POLR3E: variants seen among roughly 807,000 people sequenced by gnomAD.
POLR3E encodes DNA-directed RNA polymerase III subunit RPC5.
POLR3E carries 41 observed loss-of-function variants against 96.6 expected under a neutral mutation model. The ratio of observed to expected loss-of-function variants is 0.42; its 90% CI spans 0.33 to 0.55. POLR3E has a LOEUF of 0.55. Ranked by LOEUF, POLR3E falls within the 20% of genes least tolerant of loss-of-function variation. The pLI, the probability that POLR3E is intolerant of heterozygous loss-of-function variation, is 0.06. For missense variants in POLR3E, 849 were observed against 952.1 expected (o/e 0.89, Z 1.43); for synonymous variants, 396 against 383.6 (o/e 1.03, Z -0.38).
chr16:22,326,031 C>A lies in POLR3E; in HGVS notation c.1619C>A (p.Ala540Glu). ...LANGLPLGRA[A>E]GTDSFNGHPP... ...AACGGGCTGCCTCTCGGGCGGGCTG[C>A]GGGCACAGACAGCTTCAACGGGCAC... The change falls in exon 18 of 21, where the codon GCG (alanine) becomes GAG (glutamate). Residue 540 changes from alanine (A) to glutamate (E), a missense_variant. Ala to Glu is a moderately radical substitution (Grantham distance 107). Coordinates refer to ENST00000299853, the MANE Select transcript of POLR3E (RefSeq NM_018119.4). 6.2e-7 allele frequency: 1 copy of A among 1,601,252 alleles called. No individual in the cohort carries two copies. Among genetic ancestry groups the A allele is most frequent in the Non-Finnish European group, 8.5e-7 (1 of 1,172,506 alleles).
At chr16:22,301,578 T>C (rs571365687) in intron 1 of POLR3E, among the ~76,000 whole-genome samples, 3 of 149,194 alleles carry the variant, frequency 2.0e-5, no homozygotes, top group Non-Finnish European at 4.5e-5. Context: ...AAGACATGTC[T>C]TAAAAATAAA....
intron 1 of POLR3E, chr16:22,299,010 C>T: frequency 2.2e-6 from 1 of 455,988 alleles, no homozygotes; most frequent in Non-Finnish European, 4.4e-6. Context: ...TTGCAGAAGA[C>T]AAACAACACC....
chr16:22,308,836 T>A (rs956572068), intron 4 of POLR3E, 89 bp from the exon 5 acceptor site: 1 of 803,180 alleles, frequency 1.2e-6, no homozygotes, highest in African/African-American at 1.7e-5. Flanking sequence ...GGGTCCTGGT[T>A]AGGAGGTGGC....
At chr16:22,314,490 C>A (rs1166145231) in intron 8 of POLR3E, among the ~76,000 whole-genome samples, 1 of 152,144 alleles carries the variant, frequency 6.6e-6, no homozygotes, top group East Asian at 1.9e-4. Flanking sequence ...GAATAGTTTT[C>A]GTTTTAATAG....
At chr16:22,319,604 T>C (rs1395759140) in intron 13 of POLR3E, among the ~76,000 whole-genome samples, 1 of 152,148 alleles carries the variant, frequency 6.6e-6, no homozygotes, top group Non-Finnish European at 1.5e-5. Context: ...TTTCACTGTG[T>C]TAGCCAAGAT....
At chr16:22,298,446 C>G (rs914091442) in intron 1 of POLR3E, among the ~76,000 whole-genome samples, 1 of 152,162 alleles carries the variant, frequency 6.6e-6, no homozygotes, top group African/African-American at 2.4e-5. Context: ...TTACTCCTTC[C>G]CCGCAGGGGT....
At chr16:22,319,087 G>C (rs532114230) in intron 13 of POLR3E, 141 bp downstream of exon 13, 2 of 535,890 alleles carry the variant, frequency 3.7e-6, no homozygotes, top group African/African-American at 1.9e-5. Flanking sequence ...CAACTCTCCT[G>C]CCTCAGCCTC....
At chr16:22,311,501 G>GT (rs145739648) in intron 6 of POLR3E, among the ~76,000 whole-genome samples, 307 of 144,948 alleles carry the variant, frequency 2.1e-3, no homozygotes, top group Middle Eastern at 6.9e-3. Context: ...TTGTTTTGGG[G>GT]TTTTTTTTTT....
In POLR3E at chr16:22,315,706, C is replaced by CTA. The variant is rs2048340634; in HGVS notation, c.642+499_642+500insAT. ...ATTTATTTATTGAGACAGTCTCATT[C>CTA]TGTCACCCAGGCTGGAGTGCAGTGG... is the stretch of plus-strand genomic sequence containing the variant. On this transcript the variant is annotated intron_variant, in intron 9 of 20. Transcript: ENST00000299853. 2.0e-5 allele frequency among the ~76,000 whole-genome samples: 3 copies of CTA among 152,128 alleles called. 1 individual carries two copies. Among genetic ancestry groups the CTA allele is most frequent in the African/African-American group, 7.2e-5 (3 of 41,412 alleles).
chr16:22,325,157 A>T (rs1294355462), intron 16 of POLR3E, 48 bp from the exon 17 acceptor site: 6 of 1,406,884 alleles, frequency 4.3e-6, no homozygotes, highest in Non-Finnish European at 6.1e-6. Flanking sequence ...TGTGAAGCAG[A>T]TGGTAGGGGA....
At chr16:22,314,840 C>G (rs2048320959) in intron 8 of POLR3E, 1 of 364,636 alleles carries the variant, frequency 2.7e-6, no homozygotes, top group African/African-American at 2.1e-5. Context: ...GCTCTGGCGC[C>G]TGGGACTCTA....
rs1181043907 is a variant in POLR3E, at chr16:22,313,955, A to T, written c.473-124A>T. 1.2e-6 allele frequency: 1 copy of T among 855,136 alleles called. No homozygotes were observed. The highest frequency in any genetic ancestry group is 2.5e-5 in the East Asian group (1 of 39,468). 53.0% of individuals were successfully genotyped at this position (855,136 alleles called of 1,614,324 possible). ...GTCCCCGATTGAGAACCACTGGCTTAGGCAGCTCCCTCTGCGAGGAGAACT... is the reference window on the plus strand; with the variant it reads ...GTCCCCGATTGAGAACCACTGGCTTTGGCAGCTCCCTCTGCGAGGAGAACT... On this transcript the variant is annotated intron_variant, in intron 7 of 20. Transcript: ENST00000299853. The surrounding 1 kb of genome is among the most constrained non-coding windows in gnomAD (Gnocchi z 4.1).
rs1165593695 is a variant in POLR3E, at chr16:22,332,134, T to C, written c.2019T>C (p.Thr673=). 1 of 1,613,678 alleles carries C rather than the reference T, an allele frequency of 6.2e-7. No homozygotes were observed. The highest frequency in any genetic ancestry group is 1.1e-5 in the South Asian group (1 of 91,074). The change falls in exon 20 of 21, where the codon ACT becomes ACC. Residue 673 remains threonine, a synonymous_variant. Coordinates refer to ENST00000299853, the MANE Select transcript of POLR3E (RefSeq NM_018119.4). ...GAAACATGATCCAGTCTCGGTTGAC[T>C]CAAGAGTGTGGAGAAGATCTCAGTA... ...VRRNMIQSRL[T]QECGEDLSKQ...
chr16:22,305,026 G>A, intron 2 of POLR3E, 130 bp from the exon 3 acceptor site: 2 of 763,980 alleles, frequency 2.6e-6, no homozygotes, highest in Middle Eastern at 3.4e-4. Context: ...CATGAGCTGA[G>A]CTATTTCCTC....
chr16:22,333,761 A>G lies in POLR3E; in HGVS notation c.*61A>G. 1.7e-6 allele frequency: 2 copies of G among 1,165,140 alleles called. No homozygotes were observed. The highest frequency in any genetic ancestry group is 1.5e-5 in the African/African-American group (1 of 66,436). The allele number at this position is 1,165,140 out of a possible 1,614,324, so 72.2% of individuals were successfully genotyped here. On this transcript the variant is annotated 3_prime_UTR_variant, in exon 21 of 21. Transcript: ENST00000299853. ...CCCAAGGAAGAAGGGCGGAACCAGA[A>G]GTAGGGCCTCGACTTGCTTCAGACG...
chr16:22,303,786 G>A (rs1391648347), intron 2 of POLR3E, among the ~76,000 whole-genome samples: 2 of 149,270 alleles, frequency 1.3e-5, no homozygotes, highest in African/African-American at 5.0e-5. Context: ...GATCACAGGT[G>A]CCCATCACCA....
rs1185123719 is a variant in POLR3E, at chr16:22,313,105, C to T, written c.365-515C>T. The stretch of plus-strand genomic sequence containing the variant: ...ATCTTTATCAGAGGCCATGTGGACA[C>T]TCCACCCAGTTCTAGCAGGGCCTCT... On this transcript the variant is annotated intron_variant, in intron 6 of 20. Coordinates refer to ENST00000299853, the MANE Select transcript of POLR3E (RefSeq NM_018119.4). This position sits in a 1 kb window ranked among gnomAD's most constrained non-coding sequence, Gnocchi z 4.1. Among the ~76,000 whole-genome samples, 2 of 152,070 alleles carry T rather than the reference C, an allele frequency of 1.3e-5. No individual in the cohort carries two copies. Among genetic ancestry groups the T allele is most frequent in the African/African-American group, 4.8e-5 (2 of 41,408 alleles).
chr16:22,324,563 G>C lies in POLR3E; in HGVS notation c.1189G>C (p.Gly397Arg), dbSNP rs758949078. 1 of 1,613,370 alleles carries C rather than the reference G, an allele frequency of 6.2e-7. No homozygotes were observed. Among genetic ancestry groups the C allele is most frequent in the South Asian group, 1.1e-5 (1 of 91,052 alleles). Residue 397 changes from glycine to arginine, a missense_variant, in exon 16 of 21, where the codon GGC becomes CGC. By Grantham distance (125) the Gly-to-Arg change is moderately radical. Coordinates refer to ENST00000299853, the MANE Select transcript of POLR3E (RefSeq NM_018119.4). The part of the protein sequence containing the change: ...EHMAVVRINK[G>R]WEFILPYDGE... Reference sequence around the variant, plus strand: ...CATGGCCGTGGTGAGGATCAACAAAGGCTGGGAGTTCATTCTGCCTTATGA... The same window carrying C: ...CATGGCCGTGGTGAGGATCAACAAACGCTGGGAGTTCATTCTGCCTTATGA...
chr16:22,303,368 C>T (rs1333770656), intron 2 of POLR3E, among the ~76,000 whole-genome samples: 3 of 152,204 alleles, frequency 2.0e-5, no homozygotes, highest in Non-Finnish European at 4.4e-5. Flanking sequence ...CCGTCCACTG[C>T]TGTGCCGCAA....
Sources: allele counts gnomAD v4.1 joint callset (sites outside exome capture counted in the v4.1 genomes callset), GRCh38; gene constraint gnomAD v4.1.1; non-coding constraint Gnocchi (gnomAD v3.1); transcripts MANE v1.5; gene names NCBI Gene and HGNC (gene_info 2026-07-23, HGNC 2026-07-21).